Variants in WNT4 observed in about 807,000 individuals in gnomAD.
WNT4 encodes Wnt family member 4.
Under a neutral mutation model 34.5 loss-of-function variants are expected in WNT4, and 16 were observed. The ratio of observed to expected loss-of-function variants is 0.46; its 90% CI spans 0.31 to 0.70. The LOEUF is 0.70. Ranked by LOEUF, WNT4 falls within the 30% of genes least tolerant of loss-of-function variation. WNT4 has a pLI of 0.04. For missense variants in WNT4, 379 were observed against 495.9 expected (o/e 0.76, Z 2.24); for synonymous variants, 200 against 211.9 (o/e 0.94, Z 0.49).
chr1:22,121,280 C>G lies in WNT4; in HGVS notation c.519G>C (p.Arg173=). ...VAFSQSFVDV[R]ERSKGASSSR... is the part of the protein sequence containing the mutation. ...TGGACGAGGCCCCCTTGCTTCTCTC[C>G]CGCACATCCACAAACGACTGTGAGA... Residue 173 remains arginine (R), a synonymous_variant, in exon 4 of 5, where the codon CGG becomes CGC. Transcript: ENST00000290167. The G allele has an allele frequency of 6.2e-7, 1 of 1,614,186 alleles. No homozygotes were observed. The highest frequency in any genetic ancestry group is 8.5e-7 in the Non-Finnish European group (1 of 1,180,026).
rs1249504737 is a variant in WNT4, at chr1:22,126,997, G to A, written c.313+2619C>T. 1.2e-5 allele frequency: 4 copies of A among 334,968 alleles called. No homozygotes were observed. In the East Asian group the frequency reaches 3.3e-4, roughly 28 times the overall value. The allele number at this position is 334,968 out of a possible 1,614,324, so 20.7% of individuals were successfully genotyped here. ...TGCTTCCCTCTCAGACCTCAGGAGG[G>A]ACAATCCCCTTTTCCTCTTAGTCAG... On this transcript the variant is annotated intron_variant, in intron 2 of 4. Transcript: ENST00000290167.
In WNT4 at chr1:22,134,702, G is replaced by A. The variant is rs1022397181; in HGVS notation, c.78-4851C>T. Reference sequence around the variant, plus strand: ...CTGTGTGCAGGAGATGCTCGTCCCTGCTGCAGCATTGTCCTAGCAGCACCT... The same window carrying A: ...CTGTGTGCAGGAGATGCTCGTCCCTACTGCAGCATTGTCCTAGCAGCACCT... On this transcript the variant is annotated intron_variant, in intron 1 of 4. Coordinates refer to ENST00000290167, the MANE Select transcript of WNT4 (RefSeq NM_030761.5). This position sits in a 1 kb window ranked among gnomAD's most constrained non-coding sequence, Gnocchi z 4.1. Among the ~76,000 whole-genome samples, 2 of 152,282 alleles carry A rather than the reference G, an allele frequency of 1.3e-5. No individual in the cohort carries two copies. Among genetic ancestry groups the A allele is most frequent in the Non-Finnish European group, 2.9e-5 (2 of 68,022 alleles).
Position 22,129,633 on chromosome 1 carries a change from C to G in WNT4, c.296G>C (p.Gly99Ala). The G allele has an allele frequency of 6.2e-7, 1 of 1,613,548 alleles. No homozygotes were observed. The highest frequency in any genetic ancestry group is 1.1e-5 in the South Asian group (1 of 91,070). The change falls in exon 2 of 5, where the codon GGC (glycine) becomes GCC (alanine). Residue 99 changes from glycine (G) to alanine (A), a missense_variant. By Grantham distance (60) the Gly-to-Ala change is moderately conservative. Coordinates refer to ENST00000290167, the MANE Select transcript of WNT4 (RefSeq NM_030761.5). ...TCCCTCACCTTGCGTCACCACCTTG[C>G]CGAAGACGGGCAAGGAGTCGAGTGT... is the stretch of plus-strand genomic sequence containing the variant. Reference protein sequence around the residue: ...CSTLDSLPVFGKVVTQGTREA... With the variant: ...CSTLDSLPVFAKVVTQGTREA...
intron 1 of WNT4, among the ~76,000 whole-genome samples, chr1:22,133,443 G>C (rs534134536): frequency 3.9e-5 from 6 of 152,284 alleles, no homozygotes; most frequent in Admixed American, 3.3e-4. Context: ...CTCAACCCCA[G>C]AGACACGTGT....
intron 1 of WNT4, among the ~76,000 whole-genome samples, chr1:22,133,369 A>T (rs1212257287): frequency 6.6e-6 from 1 of 152,134 alleles, no homozygotes; most frequent in Non-Finnish European, 1.5e-5. Context: ...GAGAGCCTGG[A>T]GACCCATCAG....
intron 2 of WNT4, among the ~76,000 whole-genome samples, chr1:22,127,634 G>A (rs1645951031): frequency 6.6e-6 from 1 of 152,210 alleles, no homozygotes; most frequent in Non-Finnish European, 1.5e-5. Context: ...ACAAAAATGT[G>A]TGTCTATATA....
At position 22,143,040 on chromosome 1, in the gene WNT4, C is replaced by A. The variant is rs1458945279; in HGVS notation, c.-118G>T. The stretch of plus-strand genomic sequence containing the variant: ...GGCGCGCGCGGCGGGGCTCTGCCTC[C>A]GTGTGCCTGCCGGCAGCCTGCCCGC... On this transcript the variant is annotated 5_prime_UTR_variant, in exon 1 of 5. Coordinates refer to ENST00000290167, the MANE Select transcript of WNT4 (RefSeq NM_030761.5). The A allele has an allele frequency of 1.8e-5, 6 of 324,704 alleles. No homozygotes were observed. The highest frequency in any genetic ancestry group is 2.3e-5 in the African/African-American group (1 of 43,664). 20.1% of individuals were successfully genotyped at this position (324,704 alleles called of 1,614,324 possible).
In WNT4 at chr1:22,139,921, T is replaced by A. The variant is rs1415845527; in HGVS notation, c.77+2925A>T. Reference sequence around the variant, plus strand: ...GGCTCCTCCGGGTGCCAGACGAGAGTCTAATCAACAGCTCCCAGCTTCTCT... The same window carrying A: ...GGCTCCTCCGGGTGCCAGACGAGAGACTAATCAACAGCTCCCAGCTTCTCT... On this transcript the variant is annotated intron_variant, in intron 1 of 4. Coordinates refer to ENST00000290167, the MANE Select transcript of WNT4 (RefSeq NM_030761.5). The surrounding 1 kb of genome is among the most constrained non-coding windows in gnomAD (Gnocchi z 4.6). 6.6e-6 allele frequency among the ~76,000 whole-genome samples: 1 copy of A among 151,594 alleles called. No individual in the cohort carries two copies. The highest frequency in any genetic ancestry group is 1.5e-5 in the Non-Finnish European group (1 of 67,866).
rs1442208257 is a variant in WNT4 at position 22,137,531 on chromosome 1, C to G, written c.77+5315G>C. 6.6e-6 allele frequency among the ~76,000 whole-genome samples: 1 copy of G among 152,210 alleles called. No individual in the cohort carries two copies. Among genetic ancestry groups the G allele is most frequent in the East Asian group, 1.9e-4 (1 of 5,194 alleles). On this transcript the variant is annotated intron_variant, in intron 1 of 4. Coordinates refer to ENST00000290167, the MANE Select transcript of WNT4 (RefSeq NM_030761.5). This position sits in a 1 kb window ranked among gnomAD's most constrained non-coding sequence, Gnocchi z 5.3. ...CAGAGGCAGGAACAAGAGGAGGAGG[C>G]TTGGTGCAAATGCTCAGCTTTCCCA...
At chr1:22,121,190 T>G (rs1557922919) in intron 4 of WNT4, 21 bp downstream of exon 4, 4 of 1,613,026 alleles carry the variant, frequency 2.5e-6, no homozygotes, top group Non-Finnish European at 2.5e-6. Context: ...CCGCTCTTGG[T>G]GGGGGGTAGT....
Position 22,142,344 on chromosome 1 carries a change from G to A in WNT4, c.77+502C>T, listed in dbSNP as rs1379288868. Among the ~76,000 whole-genome samples the A allele has an allele frequency of 6.6e-6, 1 of 152,036 alleles. No homozygotes were observed. The highest frequency in any genetic ancestry group is 1.5e-5 in the Non-Finnish European group (1 of 68,000). ...TCTGTCTCCGGCTCCCGCCCCCCAA[G>A]CAGAAACAGGTCCCTGCACGCCTCC... is the stretch of plus-strand genomic sequence containing the variant. On this transcript the variant is annotated intron_variant, in intron 1 of 4. Transcript: ENST00000290167. The surrounding 1 kb of genome is among the most constrained non-coding windows in gnomAD (Gnocchi z 6.0).
chr1:22,123,730 T>C (rs1393847525), intron 2 of WNT4, among the ~76,000 whole-genome samples: 5 of 152,194 alleles, frequency 3.3e-5, no homozygotes, highest in Admixed American at 2.6e-4. Flanking sequence ...CTTTTAAACC[T>C]GACATTATTC....
chr1:22,135,548 G>A (rs1297023113), intron 1 of WNT4, among the ~76,000 whole-genome samples: 2 of 152,178 alleles, frequency 1.3e-5, no homozygotes, highest in African/African-American at 4.8e-5. Flanking sequence ...ACAGTGAGGT[G>A]TCTGGGCTGT....
rs1259688937 is a variant in WNT4 at position 22,119,919 on chromosome 1, TGAG to T, written c.*128_*130del. On this transcript the variant is annotated 3_prime_UTR_variant, in exon 5 of 5. Coordinates refer to ENST00000290167, the MANE Select transcript of WNT4 (RefSeq NM_030761.5). ...TGCCTGGTTTCGGCAATAAATAACATGAGGACCCAAAAACCAAACCAGAACAAA... is the reference window on the plus strand; with the variant it reads ...TGCCTGGTTTCGGCAATAAATAACATGACCCAAAAACCAAACCAGAACAAA... The T allele has an allele frequency of 1.2e-5, 14 of 1,171,382 alleles. No homozygotes were observed. The highest frequency in any genetic ancestry group is 5.1e-5 in the East Asian group (2 of 38,934). 72.6% of individuals were successfully genotyped at this position (1,171,382 alleles called of 1,614,324 possible). A position where few individuals can be genotyped will look rare whatever the true frequency, so the allele number is the denominator to read the frequency against.
intron 1 of WNT4, among the ~76,000 whole-genome samples, chr1:22,133,723 C>T (rs1357366643): frequency 6.6e-6 from 1 of 152,244 alleles, no homozygotes; most frequent in African/African-American, 2.4e-5. Flanking sequence ...GTTACCCCAC[C>T]AGCCCAGACC....
chr1:22,131,375 T>TG (rs1266764844), intron 1 of WNT4, among the ~76,000 whole-genome samples: 1 of 152,152 alleles, frequency 6.6e-6, no homozygotes, highest in East Asian at 1.9e-4. Flanking sequence ...CCAGTCCCAG[T>TG]GGGGGTTGGT....
intron 2 of WNT4, among the ~76,000 whole-genome samples, chr1:22,129,336 G>A (rs937885639): frequency 6.6e-6 from 1 of 152,182 alleles, no homozygotes; most frequent in Non-Finnish European, 1.5e-5. Flanking sequence ...CTTCCAGGAG[G>A]CCAGCAGTGG....
chr1:22,137,530 G>C lies in WNT4; in HGVS notation c.77+5316C>G, dbSNP rs892895386. ...CCAGAGGCAGGAACAAGAGGAGGAG[G>C]CTTGGTGCAAATGCTCAGCTTTCCC... is the stretch of plus-strand genomic sequence containing the variant. On this transcript the variant is annotated intron_variant, in intron 1 of 4. Coordinates refer to ENST00000290167, the MANE Select transcript of WNT4 (RefSeq NM_030761.5). The surrounding 1 kb of genome is among the most constrained non-coding windows in gnomAD (Gnocchi z 5.3). Among the ~76,000 whole-genome samples the C allele has an allele frequency of 6.6e-6, 1 of 152,236 alleles. No individual in the cohort carries two copies. The highest frequency in any genetic ancestry group is 1.5e-5 in the Non-Finnish European group (1 of 68,044).
At chr1:22,129,316 C>T (rs947441306) in intron 2 of WNT4, among the ~76,000 whole-genome samples, 1 of 152,180 alleles carries the variant, frequency 6.6e-6, no homozygotes, top group Admixed American at 6.5e-5. Flanking sequence ...TCCTTAATTA[C>T]CTGCTTACGC....
Sources: gnomAD v4.1 joint callset for allele counts (sites outside exome capture counted in the v4.1 genomes callset) on GRCh38, gnomAD v4.1.1 for gene constraint, Gnocchi (gnomAD v3.1) non-coding constraint, MANE v1.5 for transcripts, NCBI Gene and HGNC (gene_info 2026-07-23, HGNC 2026-07-21) for gene names.